The following VPS13B variants were observed in gnomAD, a reference collection of about 807,000 sequenced individuals.
The protein encoded by VPS13B is vacuolar protein sorting 13 homolog B.
In VPS13B, 285 loss-of-function variants were observed where a neutral mutation model predicts 426.4. The ratio of observed to expected loss-of-function variants is 0.67; its 90% CI spans 0.61 to 0.74. The LOEUF is 0.74. VPS13B is among the 30% of genes least tolerant of loss of function. The probability of loss-of-function intolerance (pLI) is 0.00; values close to 1 mark genes in which losing one functional copy is unlikely to be tolerated. For missense variants in VPS13B, 4,537 were observed against 4,782.6 expected (o/e 0.95, Z 1.51); for synonymous variants, 1,676 against 1,676.4 (o/e 1.00, Z 0.01).
chr8:99,862,384 G>T (rs1816885849), intron 58 of VPS13B, among the ~76,000 whole-genome samples: 1 of 152,182 alleles, frequency 6.6e-6, no homozygotes, highest in Non-Finnish European at 1.5e-5. Context: ...GTAAACTTCA[G>T]TGAGGAGCCC....
At chr8:99,875,265 T>TCTC (rs1300769910) in intron 61 of VPS13B, among the ~76,000 whole-genome samples, 153 bp from the exon 62 acceptor site, 1 of 152,254 alleles carries the variant, frequency 6.6e-6, no homozygotes, top group African/African-American at 2.4e-5. Flanking sequence ...CGTTGCCATA[T>TCTC]CTCAGAGGAA....
intron 3 of VPS13B, among the ~76,000 whole-genome samples, chr8:99,061,675 G>A (rs1393551161): frequency 6.6e-6 from 1 of 151,896 alleles, no homozygotes; most frequent in Non-Finnish European, 1.5e-5. Flanking sequence ...CAGTATGCAT[G>A]TTTAACTTAT....
chr8:99,604,135 C>T (rs995697147), intron 33 of VPS13B, among the ~76,000 whole-genome samples: 10 of 152,054 alleles, frequency 6.6e-5, no homozygotes, highest in African/African-American at 1.9e-4. Flanking sequence ...ACTAATAAAT[C>T]GCTTAAGAGT....
At chr8:99,568,150 A>G (rs1209683998) in intron 31 of VPS13B, among the ~76,000 whole-genome samples, 1 of 152,098 alleles carries the variant, frequency 6.6e-6, no homozygotes, top group Non-Finnish European at 1.5e-5. Context: ...TTTAGGGAGA[A>G]AAGGGCTAAA....
At chr8:99,627,649 G>T (rs1425523754) in intron 33 of VPS13B, among the ~76,000 whole-genome samples, 6 of 152,156 alleles carry the variant, frequency 3.9e-5, no homozygotes, top group Non-Finnish European at 1.5e-5. Flanking sequence ...CTCCCCAAGT[G>T]CTGGGATTAC....
intron 39 of VPS13B, among the ~76,000 whole-genome samples, chr8:99,737,404 T>C (rs990214843): frequency 6.6e-6 from 1 of 152,078 alleles, no homozygotes; most frequent in Non-Finnish European, 1.5e-5. Context: ...ATATGATCAG[T>C]GCTTCTTAAA....
chr8:99,616,072 A>G (rs959221915), intron 33 of VPS13B, among the ~76,000 whole-genome samples: 3 of 152,172 alleles, frequency 2.0e-5, no homozygotes, highest in Non-Finnish European at 2.9e-5. Flanking sequence ...AGGAATTTGT[A>G]GTTTGATGAG....
chr8:99,462,640 C>T (rs1205304705), intron 23 of VPS13B, among the ~76,000 whole-genome samples: 2 of 152,070 alleles, frequency 1.3e-5, no homozygotes, highest in Non-Finnish European at 2.9e-5. Flanking sequence ...TTAGCTATAC[C>T]TATATTAATG....
chr8:99,219,339 T>C (rs1161723710), intron 17 of VPS13B, among the ~76,000 whole-genome samples: 1 of 152,204 alleles, frequency 6.6e-6, no homozygotes, highest in African/African-American at 2.4e-5. Flanking sequence ...TTTAGTTGAA[T>C]GATCAGTGAA....
At chr8:99,215,261 G>C (rs1815319799) in intron 17 of VPS13B, among the ~76,000 whole-genome samples, 2 of 152,152 alleles carry the variant, frequency 1.3e-5, no homozygotes, top group Non-Finnish European at 2.9e-5. Context: ...GTGTTGTATA[G>C]GGTGTACAAA....
At chr8:99,455,588 A>G (rs913989396) in intron 23 of VPS13B, among the ~76,000 whole-genome samples, 3 of 152,164 alleles carry the variant, frequency 2.0e-5, no homozygotes, top group Non-Finnish European at 4.4e-5. Context: ...GAACATTTCC[A>G]TTATCCCAAA....
intron 5 of VPS13B, among the ~76,000 whole-genome samples, chr8:99,110,368 A>G (rs891376999): frequency 2.6e-5 from 4 of 152,072 alleles, no homozygotes; most frequent in Non-Finnish European, 5.9e-5. Flanking sequence ...GCTTCATTTC[A>G]TACTTTTATA....
chr8:99,266,190 G>A (rs1256052444), intron 17 of VPS13B, among the ~76,000 whole-genome samples: 1 of 151,976 alleles, frequency 6.6e-6, no homozygotes, highest in African/African-American at 2.4e-5. Context: ...AATTATAGCG[G>A]GCAAGAAGGT....
intron 43 of VPS13B, among the ~76,000 whole-genome samples, chr8:99,792,913 C>T (rs1411192544): frequency 6.6e-6 from 1 of 151,596 alleles, no homozygotes; most frequent in Non-Finnish European, 1.5e-5. Context: ...GCAATAAAAA[C>T]ATAATAGATG....
chr8:99,043,820 T>A (rs1011780756), intron 3 of VPS13B, among the ~76,000 whole-genome samples: 18 of 152,122 alleles, frequency 1.2e-4, no homozygotes, highest in Non-Finnish European at 1.5e-5. Flanking sequence ...TTTCAGCCAA[T>A]CCCTTTATGG....
chr8:99,282,300 A>C (rs1819210626), intron 19 of VPS13B, among the ~76,000 whole-genome samples: 1 of 152,180 alleles, frequency 6.6e-6, no homozygotes, highest in African/African-American at 2.4e-5. Context: ...TACATGTTTG[A>C]AAATATCTTC....
Position 99,337,077 on chromosome 8 carries a change from G to A in VPS13B, c.2825-47131G>A, listed in dbSNP as rs1223822334. Among the ~76,000 whole-genome samples the A allele has an allele frequency of 2.1e-4, 32 of 152,034 alleles. No individual in the cohort carries two copies. The East Asian group carries it at 6.0e-3, about 29-fold the overall frequency. On this transcript the variant is annotated intron_variant, in intron 19 of 61. Coordinates refer to ENST00000357162, the MANE Select transcript of VPS13B (RefSeq NM_152564.5). Reference sequence around the variant, plus strand: ...ACACATGCACACGTATGTTTATTGCGGCACTATTCACAATAGCAAAGACTT... The same window carrying A: ...ACACATGCACACGTATGTTTATTGCAGCACTATTCACAATAGCAAAGACTT...
intron 19 of VPS13B, among the ~76,000 whole-genome samples, chr8:99,353,618 AC>A (rs1371546433): frequency 8.6e-5 from 13 of 151,336 alleles, no homozygotes; most frequent in African/African-American, 2.4e-4. Flanking sequence ...AAAAAAAAAA[AC>A]AACAGAATAC....
rs1227446263 is a variant in VPS13B at position 99,028,241 on chromosome 8, CG to C, written c.148-10178del. Among the ~76,000 whole-genome samples, 25 of 151,934 alleles carry C rather than the reference CG, an allele frequency of 1.6e-4. No homozygotes were observed. The Middle Eastern group carries it at 0.017, about 106-fold the overall frequency. Reference sequence around the variant, plus strand: ...TGAGCCGCTGGGCACACCTCCCAGACGGGGTCGTGGCCGGGCAGAGGGGCTC... The same window carrying C: ...TGAGCCGCTGGGCACACCTCCCAGACGGGTCGTGGCCGGGCAGAGGGGCTC... On this transcript the variant is annotated intron_variant, in intron 2 of 61. Coordinates refer to ENST00000357162, the MANE Select transcript of VPS13B (RefSeq NM_152564.5).
Sources: allele counts gnomAD v4.1 joint callset (sites outside exome capture counted in the v4.1 genomes callset), GRCh38; gene constraint gnomAD v4.1.1; transcripts MANE v1.5; gene names NCBI Gene and HGNC (gene_info 2026-07-23, HGNC 2026-07-21).